Variants in DLG2 observed in about 807,000 individuals in gnomAD.
DLG2 encodes the protein disks large homolog 2.
Under a neutral mutation model 132.5 loss-of-function variants are expected in DLG2, and 45 were observed. The observed-to-expected ratio is 0.34, with a 90% confidence interval of 0.27 to 0.44. DLG2 has a LOEUF of 0.44. DLG2 is among the 20% of genes least tolerant of loss of function. The pLI is 1.00. For missense variants in DLG2, 1,045 were observed against 1,196.9 expected (o/e 0.87, Z 1.87); for synonymous variants, 424 against 419.6 (o/e 1.01, Z -0.13).
chr11:84,149,323 C>T (rs551793748), intron 9 of DLG2, among the ~76,000 whole-genome samples: 42 of 152,024 alleles, frequency 2.8e-4, no homozygotes, highest in African/African-American at 1.0e-3. Flanking sequence ...ATTTCTTGGG[C>T]TTTCTTTTAG....
chr11:83,662,242 G>T (rs1378681391), intron 18 of DLG2, among the ~76,000 whole-genome samples: 1 of 152,150 alleles, frequency 6.6e-6, no homozygotes, highest in Non-Finnish European at 1.5e-5. Context: ...CTCAAAGATG[G>T]CCTGAATTAT....
chr11:84,080,992 CAAA>C (rs10707492), intron 10 of DLG2, among the ~76,000 whole-genome samples: 41 of 137,082 alleles, frequency 3.0e-4, no homozygotes, highest in Non-Finnish European at 2.9e-4. Flanking sequence ...AACTCTGTCT[CAAA>C]AAAAAAAAAA....
At chr11:83,818,776 G>A (rs1463165639) in intron 17 of DLG2, among the ~76,000 whole-genome samples, 1 of 152,096 alleles carries the variant, frequency 6.6e-6, no homozygotes, top group African/African-American at 2.4e-5. Flanking sequence ...CAAAAATTAA[G>A]GTTGTACTCT....
At chr11:84,685,923 G>A (rs963567595) in intron 6 of DLG2, among the ~76,000 whole-genome samples, 4 of 152,224 alleles carry the variant, frequency 2.6e-5, no homozygotes, top group Non-Finnish European at 4.4e-5. Flanking sequence ...TCTTGACCTC[G>A]TGATCCGCCT....
At position 83,462,083 on chromosome 11, in the gene DLG2, T is replaced by A; in HGVS notation, c.2740A>T (p.Lys914Ter). Reference sequence around the variant, plus strand: ...TTGGCTTGTTCCTCTGTTAGACGCTTATTCATCTCCCTGGGAAAATGAGGG... The same window carrying A: ...TTGGCTTGTTCCTCTGTTAGACGCTAATTCATCTCCCTGGGAAAATGAGGG... ...RSLEPLMEMN[K>*]RLTEEQAKKT... The change falls in exon 27 of 28, where the codon AAG becomes TAG. Residue 914 changes from lysine to a stop codon, truncating the protein, a stop_gained. Coordinates refer to ENST00000376104, the MANE Select transcript of DLG2 (RefSeq NM_001142699.3). LOFTEE classifies it high-confidence loss of function. 1 of 1,608,584 alleles carries A rather than the reference T, an allele frequency of 6.2e-7. No homozygotes were observed.
chr11:83,914,764 A>T (rs2076647876), intron 15 of DLG2, among the ~76,000 whole-genome samples: 1 of 152,184 alleles, frequency 6.6e-6, no homozygotes, highest in Non-Finnish European at 1.5e-5. Context: ...AGGAGACAAC[A>T]ATCTGAATGG....
At chr11:84,517,020 A>AAAAT (rs58063905) in intron 7 of DLG2, among the ~76,000 whole-genome samples, 4 of 101,458 alleles carry the variant, frequency 3.9e-5, no homozygotes, top group South Asian at 3.1e-4. Context: ...AAAAAAATAA[A>AAAAT]AAATAAATAA....
chr11:85,436,982 G>A (rs932187234), intron 3 of DLG2, among the ~76,000 whole-genome samples: 3 of 152,196 alleles, frequency 2.0e-5, no homozygotes, highest in Non-Finnish European at 2.9e-5. Context: ...AAAAAGGAAT[G>A]AGATCATGTC....
intron 20 of DLG2, among the ~76,000 whole-genome samples, chr11:83,540,266 C>T (rs1042913715): frequency 3.3e-5 from 5 of 152,066 alleles, no homozygotes; most frequent in African/African-American, 9.7e-5. Context: ...TGGAGAGACC[C>T]GGAATATAAA....
At chr11:84,299,238 G>A (rs191986220) in intron 7 of DLG2, among the ~76,000 whole-genome samples, 1 of 152,126 alleles carries the variant, frequency 6.6e-6, no homozygotes, top group Non-Finnish European at 1.5e-5. Flanking sequence ...TTCTTTAAAT[G>A]ATTTGAAGTT....
At chr11:83,659,287 T>C (rs1829845731) in intron 18 of DLG2, among the ~76,000 whole-genome samples, 1 of 152,176 alleles carries the variant, frequency 6.6e-6, no homozygotes, top group Non-Finnish European at 1.5e-5. Context: ...GATTAGTTAA[T>C]AGTTAATAAA....
intron 6 of DLG2, among the ~76,000 whole-genome samples, chr11:84,942,174 A>G (rs780500190): frequency 2.6e-5 from 4 of 151,962 alleles, no homozygotes; most frequent in Non-Finnish European, 4.4e-5. Flanking sequence ...TGTCACTTGT[A>G]TCTTATGAAA....
rs545868816 is a variant in DLG2, at chr11:85,365,225, C to A, written c.41-79860G>T. Among the ~76,000 whole-genome samples, 317 of 152,250 alleles carry A rather than the reference C, an allele frequency of 2.1e-3. 1 individual carries two copies. The highest frequency in any genetic ancestry group is 7.5e-3 in the African/African-American group (311 of 41,548). On this transcript the variant is annotated intron_variant, in intron 3 of 27. Transcript: ENST00000376104. ...TTTGTAATACTATCCTAAATAGCAT[C>A]CTTCTTTGTGCAGGTAAGATTAATG...
At chr11:85,442,950 T>C (rs543274098) in intron 3 of DLG2, among the ~76,000 whole-genome samples, 1 of 152,030 alleles carries the variant, frequency 6.6e-6, no homozygotes, top group African/African-American at 2.4e-5. Context: ...GGAGGGAAGA[T>C]AAAAAGGTTT....
chr11:85,299,974 G>C (rs7933660), intron 3 of DLG2, among the ~76,000 whole-genome samples: 1 of 152,094 alleles, frequency 6.6e-6, no homozygotes, highest in Non-Finnish European at 1.5e-5. Context: ...GTATGCCATA[G>C]AATGCCTCAT....
rs1436143936 is a variant in DLG2 at position 85,164,499 on chromosome 11, T to C, written c.187-9848A>G. On this transcript the variant is annotated intron_variant, in intron 4 of 27. Coordinates refer to ENST00000376104, the MANE Select transcript of DLG2 (RefSeq NM_001142699.3). ...TTTCCACCGTTACTTCATCCCCTGA[T>C]AACTTGCTGTCAATTATGCTCTCAT... Among the ~76,000 whole-genome samples the C allele has an allele frequency of 2.0e-5, 3 of 152,202 alleles. No homozygotes were observed. In the East Asian group the frequency reaches 5.8e-4, roughly 29 times the overall value.
At chr11:84,861,006 C>G (rs1490747494) in intron 6 of DLG2, among the ~76,000 whole-genome samples, 6 of 152,048 alleles carry the variant, frequency 3.9e-5, no homozygotes, top group Non-Finnish European at 7.4e-5. Flanking sequence ...ACACCGTATG[C>G]TAGGGACTTT....
At chr11:83,993,577 A>G (rs952943315) in intron 11 of DLG2, among the ~76,000 whole-genome samples, 1 of 152,156 alleles carries the variant, frequency 6.6e-6, no homozygotes, top group African/African-American at 2.4e-5. Context: ...CCACAAGTTG[A>G]CTGCTTATGG....
At chr11:83,999,421 T>TAG (rs915179153) in intron 11 of DLG2, among the ~76,000 whole-genome samples, 37 of 152,108 alleles carry the variant, frequency 2.4e-4, no homozygotes, top group African/African-American at 8.2e-4. Flanking sequence ...ACTCAGGACC[T>TAG]AGAGGGTTGT....
Sources: allele counts gnomAD v4.1 joint callset (sites outside exome capture counted in the v4.1 genomes callset), GRCh38; gene constraint gnomAD v4.1.1; transcripts MANE v1.5; gene names NCBI Gene and HGNC (gene_info 2026-07-23, HGNC 2026-07-21).